Variants in CDH18 observed in about 807,000 individuals in gnomAD.
CDH18 encodes cadherin 18.
CDH18 carries 31 observed loss-of-function variants against 67.9 expected under a neutral mutation model. That is an observed-to-expected ratio of 0.46 (90% CI 0.34 to 0.62). The LOEUF (loss-of-function observed/expected upper bound fraction) is 0.62, where lower values mean the gene tolerates loss of function less well. Ranked by LOEUF, CDH18 falls within the 20% of genes least tolerant of loss-of-function variation. CDH18 has a pLI of 0.01. For synonymous variants in CDH18, 362 were observed against 347.2 expected, an observed-to-expected ratio of 1.04 and a Z score of -0.48; for missense variants, 890 against 975.5, an observed-to-expected ratio of 0.91 and a Z score of 1.17.
At chr5:20,445,830 C>T (rs551110769) in intron 1 of CDH18, among the ~76,000 whole-genome samples, 1 of 152,236 alleles carries the variant, frequency 6.6e-6, no homozygotes, top group South Asian at 2.1e-4. Context: ...TGCAGACTAA[C>T]ACCAAAATGC....
At chr5:20,529,388 A>T (rs2126547779) in intron 1 of CDH18, among the ~76,000 whole-genome samples, 1 of 151,800 alleles carries the variant, frequency 6.6e-6, no homozygotes, top group South Asian at 2.1e-4. Context: ...AACTCCTTTA[A>T]AGAGGTCAGC....
intron 1 of CDH18, among the ~76,000 whole-genome samples, chr5:20,564,293 T>TTTATTTATTTATTTATTTAG (rs755620696): frequency 2.0e-5 from 3 of 148,646 alleles, no homozygotes; most frequent in African/African-American, 7.5e-5. Flanking sequence ...TATTTATTTA[T>TTTATTTATTTATTTATTTAG]TTTAGATGGA....
Position 19,471,715 on chromosome 5 carries a change from T to C in CDH18, c.*1511A>G, listed in dbSNP as rs1199068428. ...AAGCCCCACCCAAATTCTCAGAAATTAGCTTATGAAAATATTAAAATAATT... is the reference window on the plus strand; with the variant it reads ...AAGCCCCACCCAAATTCTCAGAAATCAGCTTATGAAAATATTAAAATAATT... On this transcript the variant is annotated 3_prime_UTR_variant, in exon 13 of 13. Coordinates refer to ENST00000382275, the MANE Select transcript of CDH18 (RefSeq NM_004934.5). Among the ~76,000 whole-genome samples, 1 of 152,126 alleles carries C rather than the reference T, an allele frequency of 6.6e-6. No homozygotes were observed. The highest frequency in any genetic ancestry group is 6.6e-5 in the Admixed American group (1 of 15,258).
chr5:20,570,291 CCCT>C (rs1758740828), intron 1 of CDH18, among the ~76,000 whole-genome samples: 2 of 152,050 alleles, frequency 1.3e-5, no homozygotes, highest in East Asian at 3.9e-4. Context: ...TATGTAGGAA[CCCT>C]CCTCTTTTCC....
chr5:20,446,188 C>T (rs1203434253), intron 1 of CDH18, among the ~76,000 whole-genome samples: 1 of 152,104 alleles, frequency 6.6e-6, no homozygotes, highest in Admixed American at 6.5e-5. Context: ...GAGCACATGT[C>T]ACTTTAGGGA....
At chr5:20,076,062 C>T (rs1743902381) in intron 2 of CDH18, among the ~76,000 whole-genome samples, 1 of 152,066 alleles carries the variant, frequency 6.6e-6, no homozygotes, top group Admixed American at 6.6e-5. Context: ...ATCTATGTAA[C>T]TTCACTTGTA....
chr5:20,549,960 T>C (rs1451050466), intron 1 of CDH18, among the ~76,000 whole-genome samples: 1 of 152,216 alleles, frequency 6.6e-6, no homozygotes, highest in Non-Finnish European at 1.5e-5. Context: ...TGAGTGGATC[T>C]TTAATATTGA....
intron 2 of CDH18, among the ~76,000 whole-genome samples, chr5:19,999,740 T>TA (rs1736296260): frequency 6.6e-6 from 1 of 152,136 alleles, no homozygotes; most frequent in South Asian, 2.1e-4. Context: ...TCGGGATTGT[T>TA]AAAAATTATT....
chr5:20,398,172 C>T (rs1309834642), intron 1 of CDH18, among the ~76,000 whole-genome samples: 2 of 152,046 alleles, frequency 1.3e-5, no homozygotes, highest in African/African-American at 2.4e-5. Flanking sequence ...TACAATATTT[C>T]CCTCAGTTTA....
chr5:19,924,111 C>T (rs1792820005), intron 2 of CDH18, among the ~76,000 whole-genome samples: 1 of 152,022 alleles, frequency 6.6e-6, no homozygotes, highest in East Asian at 1.9e-4. Flanking sequence ...TCATAGTTTT[C>T]AACTATGAAT....
At chr5:19,986,777 A>T (rs1194143412) in intron 1 of CDH18, among the ~76,000 whole-genome samples, 2 of 152,148 alleles carry the variant, frequency 1.3e-5, no homozygotes, top group Non-Finnish European at 2.9e-5. Flanking sequence ...CATCCCAACA[A>T]GGTATATGTA....
At chr5:19,685,395 A>T (rs1398029758) in intron 5 of CDH18, among the ~76,000 whole-genome samples, 2 of 152,192 alleles carry the variant, frequency 1.3e-5, no homozygotes, top group East Asian at 3.9e-4. Flanking sequence ...TTGGTTCCAA[A>T]GTCACTCTGT....
chr5:20,009,872 CT>C (rs1561709963), intron 2 of CDH18, among the ~76,000 whole-genome samples: 1 of 151,978 alleles, frequency 6.6e-6, no homozygotes, highest in East Asian at 1.9e-4. Flanking sequence ...AAGATACATT[CT>C]TTATTTTTAA....
At chr5:20,275,411 T>C (rs1253446166) in intron 1 of CDH18, among the ~76,000 whole-genome samples, 2 of 152,146 alleles carry the variant, frequency 1.3e-5, no homozygotes, top group Non-Finnish European at 2.9e-5. Flanking sequence ...TGAGGCCTCC[T>C]TATCATGCTT....
At chr5:20,161,885 C>T (rs1386535710) in intron 2 of CDH18, among the ~76,000 whole-genome samples, 2 of 152,118 alleles carry the variant, frequency 1.3e-5, no homozygotes, top group African/African-American at 4.8e-5. Flanking sequence ...ATAAGATTAA[C>T]TAAATTCAGA....
chr5:20,267,003 T>G (rs1745093041), intron 1 of CDH18, among the ~76,000 whole-genome samples: 1 of 152,200 alleles, frequency 6.6e-6, no homozygotes, highest in Non-Finnish European at 1.5e-5. Context: ...GTCTACTGAA[T>G]GTATAAATGT....
At chr5:20,324,750 T>C (rs760369534) in intron 1 of CDH18, among the ~76,000 whole-genome samples, 15 of 152,206 alleles carry the variant, frequency 9.9e-5, no homozygotes, top group Non-Finnish European at 1.9e-4. Flanking sequence ...AAATTCTACC[T>C]GGTGAAGGAA....
At chr5:19,747,389 G>GTT (rs373293236) in intron 3 of CDH18, among the ~76,000 whole-genome samples, 153 bp from the exon 4 acceptor site, 26 of 143,016 alleles carry the variant, frequency 1.8e-4, no homozygotes, top group Admixed American at 3.5e-4. Flanking sequence ...CTTTTCTGCA[G>GTT]TTTTTTTTTT....
intron 6 of CDH18, among the ~76,000 whole-genome samples, chr5:19,603,687 A>T (rs1457387835): frequency 6.6e-6 from 1 of 151,408 alleles, no homozygotes; most frequent in Non-Finnish European, 1.5e-5. Flanking sequence ...ATATATAATT[A>T]TCTTCAAAAT....
Sources: gnomAD v4.1 joint callset for allele counts (sites outside exome capture counted in the v4.1 genomes callset) on GRCh38, gnomAD v4.1.1 for gene constraint, MANE v1.5 for transcripts, NCBI Gene and HGNC (gene_info 2026-07-23, HGNC 2026-07-21) for gene names.